The following SEMA3C variants were observed in gnomAD, a reference collection of about 807,000 sequenced individuals.
SEMA3C encodes semaphorin-3C.
A neutral mutation model predicts 89.4 loss-of-function variants in SEMA3C; 47 were observed. That is an observed-to-expected ratio of 0.53 (90% CI 0.42 to 0.67). The LOEUF (loss-of-function observed/expected upper bound fraction) is 0.67. Among genes scored for constraint, SEMA3C ranks in the 30% least tolerant of loss-of-function variants. The pLI is 0.00. For synonymous variants in SEMA3C, 310 were observed against 320.2 expected (o/e 0.97, Z 0.34); for missense variants, 839 against 929.1 (o/e 0.90, Z 1.26).
At position 80,912,662 on chromosome 7, in the gene SEMA3C, T is replaced by C. The variant is rs1025369809; in HGVS notation, c.103+4017A>G. On this transcript the variant is annotated intron_variant, in intron 2 of 17. Transcript: ENST00000265361. ...CAGTGACATTTAATTGAAACCATCA[T>C]AAGGAGACTTAAAAGAAAATGCCAT... Among the ~76,000 whole-genome samples, 6 of 152,220 alleles carry C rather than the reference T, an allele frequency of 3.9e-5. No individual in the cohort carries two copies. In the East Asian group the frequency reaches 1.2e-3, roughly 29 times the overall value.
At chr7:80,772,976 G>C (rs1300684848) in intron 12 of SEMA3C, among the ~76,000 whole-genome samples, 1 of 152,068 alleles carries the variant, frequency 6.6e-6, no homozygotes, top group Non-Finnish European at 1.5e-5. Flanking sequence ...ATAATGTTTG[G>C]AGGTGCTGCA....
chr7:80,920,742 A>G (rs1388750606), upstream of SEMA3C, among the ~76,000 whole-genome samples: 1 of 152,218 alleles, frequency 6.6e-6, no homozygotes, highest in Non-Finnish European at 1.5e-5. Context: ...TAAATTTGTA[A>G]TAAGGAATTT....
At chr7:80,756,785 T>C (rs1336776956) in intron 15 of SEMA3C, among the ~76,000 whole-genome samples, 10 of 150,374 alleles carry the variant, frequency 6.7e-5, no homozygotes, top group Non-Finnish European at 1.5e-4. Context: ...AAGTCCTTGC[T>C]CACACAGTAT....
intron 15 of SEMA3C, among the ~76,000 whole-genome samples, chr7:80,754,173 GC>G (rs918754963): frequency 6.6e-6 from 1 of 152,156 alleles, no homozygotes; most frequent in Non-Finnish European, 1.5e-5. Flanking sequence ...CTGACCTCAG[GC>G]AATCCGCCTG....
intron 14 of SEMA3C, among the ~76,000 whole-genome samples, chr7:80,761,382 G>C (rs1012647528): frequency 1.3e-5 from 2 of 152,120 alleles, no homozygotes; most frequent in African/African-American, 4.8e-5. Flanking sequence ...GGAATATCTT[G>C]CTGTATATAT....
At chr7:80,776,953 C>A in intron 12 of SEMA3C, among the ~76,000 whole-genome samples, 1 of 151,942 alleles carries the variant, frequency 6.6e-6, no homozygotes, top group African/African-American at 2.4e-5. Context: ...TAGCTATATA[C>A]TAATATATAT....
At chr7:80,846,422 T>C (rs576630202) in intron 2 of SEMA3C, among the ~76,000 whole-genome samples, 1 of 152,204 alleles carries the variant, frequency 6.6e-6, no homozygotes, top group African/African-American at 2.4e-5. Flanking sequence ...AGTTGCACGA[T>C]CACAGTTCAC....
At chr7:80,844,845 G>A (rs1346659140) in intron 2 of SEMA3C, among the ~76,000 whole-genome samples, 2 of 152,146 alleles carry the variant, frequency 1.3e-5, no homozygotes, top group Non-Finnish European at 2.9e-5. Flanking sequence ...TTGAGAAAAT[G>A]CATGAAATGT....
chr7:80,800,757 C>T lies in SEMA3C; in HGVS notation c.986G>A (p.Ser329Asn). ...TAAAATGTAACTGTTGAATAATTAC[C>T]TTGATGTTGTAAAAATGCCATACAC... ...TLVYGIFTTS[S>N]SVFKGSAVCV... Residue 329 changes from serine (S) to asparagine (N), a missense_variant and splice_region_variant, in exon 10 of 18, where the codon AGC (serine) becomes AAC (asparagine). Coordinates refer to ENST00000265361, the MANE Select transcript of SEMA3C (RefSeq NM_006379.5). 6.6e-7 allele frequency: 1 copy of T among 1,512,128 alleles called. No individual in the cohort carries two copies. The highest frequency in any genetic ancestry group is 8.9e-7 in the Non-Finnish European group (1 of 1,122,274). 93.7% of individuals were successfully genotyped at this position (1,512,128 alleles called of 1,614,324 possible).
rs80335485 is a variant in SEMA3C, at chr7:80,873,528, T to C, written c.103+43151A>G. ...TCAGGCAATACTAGGCCCATTTCTA[T>C]GTGGGGCAAGGAGAACTGAGTAACA... On this transcript the variant is annotated intron_variant, in intron 2 of 17. Transcript: ENST00000265361. Among the ~76,000 whole-genome samples the C allele has an allele frequency of 7.6e-3, 1,163 of 152,268 alleles. 56 individuals carry two copies. The East Asian group carries it at 0.13, about 17-fold the overall frequency.
chr7:80,877,079 G>A (rs1382430792), intron 2 of SEMA3C, among the ~76,000 whole-genome samples: 1 of 152,224 alleles, frequency 6.6e-6, no homozygotes, highest in African/African-American at 2.4e-5. Context: ...TTAACGATAA[G>A]TGGTGGAGAT....
intron 10 of SEMA3C, 107 bp from the exon 11 acceptor site, chr7:80,798,343 G>A (rs1789117008): frequency 9.7e-7 from 1 of 1,027,894 alleles, no homozygotes; most frequent in African/African-American, 1.7e-5. Flanking sequence ...ATCCACCATA[G>A]AAAAGTTAAA....
At chr7:80,765,380 C>A in intron 12 of SEMA3C, 137 bp from the exon 13 acceptor site, 1 of 593,672 alleles carries the variant, frequency 1.7e-6, no homozygotes, top group Non-Finnish European at 3.0e-6. Flanking sequence ...TAAGCCACTG[C>A]CATGTGCTGA....
In SEMA3C at chr7:80,756,740, T is replaced by C. The variant is rs570344615; in HGVS notation, c.1643+1591A>G. On this transcript the variant is annotated intron_variant, in intron 15 of 17. Coordinates refer to ENST00000265361, the MANE Select transcript of SEMA3C (RefSeq NM_006379.5). The stretch of plus-strand genomic sequence containing the variant: ...TCTGGTCCCTCTTCCTGGAATGTTA[T>C]TCTGCTAGATAACGTCTTGGTGCCA... Among the ~76,000 whole-genome samples, 13 of 152,274 alleles carry C rather than the reference T, an allele frequency of 8.5e-5. No individual in the cohort carries two copies. The South Asian group carries it at 2.7e-3, about 32-fold the overall frequency.
intron 2 of SEMA3C, among the ~76,000 whole-genome samples, chr7:80,840,564 G>A (rs867833364): frequency 2.7e-4 from 41 of 149,590 alleles, no homozygotes; most frequent in African/African-American, 7.6e-4. Flanking sequence ...GAGAGAGCGC[G>A]ATGGTAAATG....
At chr7:80,877,507 T>C (rs1054741697) in intron 2 of SEMA3C, among the ~76,000 whole-genome samples, 1 of 152,212 alleles carries the variant, frequency 6.6e-6, no homozygotes, top group African/African-American at 2.4e-5. Context: ...TCAAGTGTGA[T>C]TTAAATTACC....
chr7:80,769,347 G>T (rs1788374964), intron 12 of SEMA3C, among the ~76,000 whole-genome samples: 1 of 152,128 alleles, frequency 6.6e-6, no homozygotes, highest in South Asian at 2.1e-4. Context: ...AACAGGTTTT[G>T]CTTAGAAAGG....
intron 2 of SEMA3C, among the ~76,000 whole-genome samples, chr7:80,855,578 T>C (rs996583575): frequency 6.6e-6 from 1 of 152,050 alleles, no homozygotes; most frequent in Non-Finnish European, 1.5e-5. Context: ...CCCATGAAAA[T>C]TATTTTATCC....
chr7:80,819,086 C>T (rs1317171536), intron 4 of SEMA3C, among the ~76,000 whole-genome samples: 2 of 152,152 alleles, frequency 1.3e-5, no homozygotes, highest in Non-Finnish European at 2.9e-5. Context: ...CTGTTTTAAT[C>T]TGGACTAATT....
Sources: gnomAD v4.1 joint callset for allele counts (sites outside exome capture counted in the v4.1 genomes callset) on GRCh38, gnomAD v4.1.1 for gene constraint, MANE v1.5 for transcripts, NCBI Gene and HGNC (gene_info 2026-07-23, HGNC 2026-07-21) for gene names.